LSMEM2: variants seen among roughly 807,000 people sequenced by gnomAD.
LSMEM2 encodes the protein leucine rich single-pass membrane protein 2.
In LSMEM2, 20 loss-of-function variants were observed where a neutral mutation model predicts 17.3. The observed-to-expected ratio is 1.16, with a 90% confidence interval of 0.81 to 1.68. LSMEM2 has a LOEUF of 1.68. Ranked by LOEUF, LSMEM2 falls within the 40% of genes most tolerant of loss-of-function variation. The pLI, the probability that LSMEM2 is intolerant of heterozygous loss-of-function variation, is 0.00. For missense variants in LSMEM2, 207 were observed against 214.3 expected (o/e 0.97, Z 0.21); for synonymous variants, 94 against 97.8 (o/e 0.96, Z 0.23).
chr3:50,287,965 G>A lies in LSMEM2; in HGVS notation c.*763G>A, dbSNP rs887442363. ...CAGCCCTGAGGAAGGCACATATTTA[G>A]CCTGGCCTGAGACAGGACAGGAAGG... On this transcript the variant is annotated 3_prime_UTR_variant, in exon 4 of 4. Coordinates refer to ENST00000316436, the MANE Select transcript of LSMEM2 (RefSeq NM_153215.3). The A allele has an allele frequency of 3.6e-6, 2 of 556,044 alleles. No individual in the cohort carries two copies. Among genetic ancestry groups the A allele is most frequent in the Non-Finnish European group, 6.5e-6 (2 of 308,794 alleles). 34.4% of individuals were successfully genotyped at this position (556,044 alleles called of 1,614,324 possible). A position where few individuals can be genotyped will look rare whatever the true frequency, so the allele number is the denominator to read the frequency against.
Sources: gnomAD v4.1 joint callset for allele counts on GRCh38, gnomAD v4.1.1 for gene constraint, MANE v1.5 for transcripts, NCBI Gene and HGNC (gene_info 2026-07-23, HGNC 2026-07-21) for gene names.